Variants in SAE1 observed in about 807,000 individuals in gnomAD.
SAE1 encodes the protein SUMO-activating enzyme subunit 1.
Under a neutral mutation model 40.6 loss-of-function variants are expected in SAE1, and 11 were observed. The observed-to-expected ratio is 0.27, with a 90% CI of 0.17 to 0.45. The LOEUF (loss-of-function observed/expected upper bound fraction) is 0.45. SAE1 is among the 20% of genes least tolerant of loss of function. The probability of loss-of-function intolerance (pLI) is 1.00; values close to 1 mark genes in which losing one functional copy is unlikely to be tolerated. For missense variants in SAE1, 373 were observed against 427.3 expected (o/e 0.87, Z 1.12); for synonymous variants, 155 against 154.3 (o/e 1.00, Z -0.03).
At chr19:47,149,685 G>T (rs1005435973) in intron 2 of SAE1, among the ~76,000 whole-genome samples, 2 of 151,990 alleles carry the variant, frequency 1.3e-5, no homozygotes, top group Admixed American at 6.6e-5. Flanking sequence ...AACACAAGGG[G>T]GTGCTCTTTA....
intron 8 of SAE1, among the ~76,000 whole-genome samples, chr19:47,205,466 T>A (rs2058681409): frequency 6.6e-6 from 1 of 152,148 alleles, no homozygotes; most frequent in Admixed American, 6.6e-5. Context: ...CATACCTCTT[T>A]CCTTGCTCAC....
chr19:47,202,331 A>C (rs2123322054), intron 7 of SAE1, among the ~76,000 whole-genome samples: 1 of 152,032 alleles, frequency 6.6e-6, no homozygotes, highest in South Asian at 2.1e-4. Flanking sequence ...CCCTGTCACC[A>C]GGCTGGAGTG....
intron 6 of SAE1, among the ~76,000 whole-genome samples, chr19:47,188,945 C>T (rs1236343223): frequency 2.0e-5 from 3 of 152,202 alleles, no homozygotes; most frequent in Non-Finnish European, 4.4e-5. Context: ...CTGAGGCTCT[C>T]TCAAAGCCCC....
At chr19:47,158,489 G>GGT (rs1490282027) in intron 5 of SAE1, among the ~76,000 whole-genome samples, 1 of 152,222 alleles carries the variant, frequency 6.6e-6, no homozygotes, top group Non-Finnish European at 1.5e-5. Context: ...ACAGCAATGA[G>GGT]GTGGTGGTAA....
intron 2 of SAE1, 26 bp from the exon 3 acceptor site, chr19:47,150,176 T>TA: frequency 2.0e-6 from 3 of 1,469,332 alleles, no homozygotes; most frequent in Non-Finnish European, 2.7e-6. Context: ...ATACAAGACT[T>TA]AAAAAAATAT....
intron 7 of SAE1, among the ~76,000 whole-genome samples, chr19:47,202,436 C>G (rs2123322232): frequency 6.6e-6 from 1 of 151,904 alleles, no homozygotes; most frequent in Admixed American, 6.6e-5. Context: ...TACAGGCTCA[C>G]CCCACCACAC....
At chr19:47,152,792 C>A in intron 3 of SAE1, 106 bp from the exon 4 acceptor site, 1 of 1,112,196 alleles carries the variant, frequency 9.0e-7, no homozygotes, top group Non-Finnish European at 1.3e-6. Context: ...TTGAAACATG[C>A]TTTGAGCATG....
At chr19:47,200,399 ATTTTTTTTTTTT>A (rs35657499) in intron 7 of SAE1, among the ~76,000 whole-genome samples, 2 of 102,560 alleles carry the variant, frequency 2.0e-5, no homozygotes, top group South Asian at 3.2e-4. Flanking sequence ...AGCCTGCCTA[ATTTTTTTTTTTT>A]TTTTTTTTTT....
At chr19:47,153,107 A>T in intron 4 of SAE1, 67 bp downstream of exon 4, 12 of 1,366,412 alleles carry the variant, frequency 8.8e-6, no homozygotes, top group Non-Finnish European at 1.2e-5. Flanking sequence ...TTTTTAAATT[A>T]TGTATTTATT....
rs375845313 is a variant in SAE1, at chr19:47,203,428, A to C, written c.879-243A>C. Among the ~76,000 whole-genome samples the C allele has an allele frequency of 1.9e-3, 287 of 152,350 alleles. 6 individuals carry two copies. In the South Asian group the frequency reaches 0.056, roughly 30 times the overall value. On this transcript the variant is annotated intron_variant, in intron 7 of 8. Transcript: ENST00000270225. ...CTTTCCTTTAACTTATAAAGGTAAA[A>C]ATAAAAGTATTGTGAAAGAATTTCT...
chr19:47,143,661 G>T, intron 2 of SAE1, 56 bp downstream of exon 2: 1 of 1,334,268 alleles, frequency 7.5e-7, no homozygotes, highest in South Asian at 1.2e-5. Context: ...CCAGCATGAA[G>T]ATCTGCAGAT....
chr19:47,141,597 A>G (rs1278306040), intron 1 of SAE1, among the ~76,000 whole-genome samples: 2 of 152,132 alleles, frequency 1.3e-5, no homozygotes, highest in African/African-American at 4.8e-5. Flanking sequence ...CTCAGCCATG[A>G]TAAAAAAGCC....
chr19:47,174,181 A>G (rs2058453476), intron 6 of SAE1, among the ~76,000 whole-genome samples: 1 of 149,998 alleles, frequency 6.7e-6, no homozygotes, highest in Non-Finnish European at 1.5e-5. Context: ...CATGTTTACC[A>G]CTCTCTCCCA....
At chr19:47,139,171 C>G (rs566575457) in intron 1 of SAE1, among the ~76,000 whole-genome samples, 1 of 152,038 alleles carries the variant, frequency 6.6e-6, no homozygotes, top group Admixed American at 6.6e-5. Flanking sequence ...AGGCTGGTCT[C>G]GAACTCCTGA....
intron 5 of SAE1, among the ~76,000 whole-genome samples, chr19:47,160,992 T>C (rs2058356423): frequency 6.6e-6 from 1 of 152,036 alleles, no homozygotes; most frequent in Non-Finnish European, 1.5e-5. Flanking sequence ...TCTGTATATA[T>C]ATTTAATTTT....
chr19:47,182,464 AGTGTGT>A lies in SAE1; in HGVS notation c.733+12569_733+12574del, dbSNP rs113149127. Among the ~76,000 whole-genome samples the A allele has an allele frequency of 9.4e-3, 1,361 of 144,456 alleles. 20 individuals carry two copies. The highest frequency in any genetic ancestry group is 0.03 in the African/African-American group (1,205 of 39,538). The allele number at this position is 144,456 out of a possible 152,430, so 94.8% of individuals were successfully genotyped here. A position where few individuals can be genotyped will look rare whatever the true frequency, so the allele number is the denominator to read the frequency against. On this transcript the variant is annotated intron_variant, in intron 6 of 8. Coordinates refer to ENST00000270225, the MANE Select transcript of SAE1 (RefSeq NM_005500.3). The stretch of plus-strand genomic sequence containing the variant: ...TTTGTAAGGAAAAAGAAAAAAGCGT[AGTGTGT>A]GTGTGTGTGTGTGTGTGTGTGTGTG...
chr19:47,145,009 G>GT (rs955924218), intron 2 of SAE1, among the ~76,000 whole-genome samples: 64 of 143,442 alleles, frequency 4.5e-4, no homozygotes, highest in Middle Eastern at 3.6e-3. Flanking sequence ...GTTTTGTTTT[G>GT]TTTTTTTTTT....
At chr19:47,177,820 A>ATT (rs2058479591) in intron 6 of SAE1, among the ~76,000 whole-genome samples, 1 of 152,166 alleles carries the variant, frequency 6.6e-6, no homozygotes, top group East Asian at 1.9e-4. Context: ...CGGAACAGGT[A>ATT]TTTGCCAGGT....
At chr19:47,142,034 C>T (rs917666513) in intron 1 of SAE1, among the ~76,000 whole-genome samples, 1 of 152,150 alleles carries the variant, frequency 6.6e-6, no homozygotes, top group African/African-American at 2.4e-5. Flanking sequence ...TTGGGATGGC[C>T]TGACCTCTGA....
Sources: allele counts gnomAD v4.1 joint callset (sites outside exome capture counted in the v4.1 genomes callset), GRCh38; gene constraint gnomAD v4.1.1; transcripts MANE v1.5; gene names NCBI Gene and HGNC (gene_info 2026-07-23, HGNC 2026-07-21).